The following KDM4A variants were observed in gnomAD, a reference collection of about 807,000 sequenced individuals.
The protein encoded by KDM4A is lysine demethylase 4A.
A neutral mutation model predicts 127.1 loss-of-function variants in KDM4A; 23 were observed. The ratio of observed to expected loss-of-function variants is 0.18; its 90% CI spans 0.13 to 0.26. KDM4A has a LOEUF of 0.26. KDM4A is among the 10% of genes least tolerant of loss of function. The pLI is 1.00. For synonymous variants in KDM4A, 443 were observed against 466.5 expected (o/e 0.95, Z 0.65); for missense variants, 890 against 1,329.1 (o/e 0.67, Z 5.14).
intron 2 of KDM4A, among the ~76,000 whole-genome samples, chr1:43,654,061 T>C (rs556991405): frequency 6.6e-6 from 1 of 152,366 alleles, no homozygotes; most frequent in East Asian, 1.9e-4. Flanking sequence ...GGACCAGTCT[T>C]GGACCCTGGT....
intron 2 of KDM4A, chr1:43,653,699 T>C (rs1256929135): frequency 6.4e-6 from 1 of 156,408 alleles, no homozygotes; most frequent in East Asian, 1.8e-4. Context: ...TGGCTTCCCA[T>C]GTGGACTTTC....
chr1:43,692,134 CCA>C, intron 15 of KDM4A, 120 bp from the exon 16 acceptor site: 1 of 890,044 alleles, frequency 1.1e-6, no homozygotes, highest in Non-Finnish European at 1.9e-6. Flanking sequence ...GGGTGAAGCC[CCA>C]CATGCTATTA....
intron 11 of KDM4A, among the ~76,000 whole-genome samples, chr1:43,674,642 G>A (rs571380017): frequency 1.3e-5 from 2 of 151,692 alleles, no homozygotes; most frequent in African/African-American, 2.4e-5. Context: ...CCAGCCTCCC[G>A]AGTAGCTGGG....
chr1:43,659,371 C>CG (rs1553230408), intron 3 of KDM4A, among the ~76,000 whole-genome samples: 1 of 152,044 alleles, frequency 6.6e-6, no homozygotes, highest in East Asian at 1.9e-4. Context: ...AGTGCAGTGG[C>CG]GTTAGTTAGC....
At chr1:43,669,003 G>T in intron 9 of KDM4A, 97 bp from the exon 10 acceptor site, 1 of 1,273,758 alleles carries the variant, frequency 7.9e-7, no homozygotes, top group East Asian at 2.4e-5. Flanking sequence ...GACAGGCTCT[G>T]GCCATTCACT....
At chr1:43,687,167 G>A (rs1661004865) in intron 12 of KDM4A, among the ~76,000 whole-genome samples, 1 of 152,326 alleles carries the variant, frequency 6.6e-6, no homozygotes, top group South Asian at 2.1e-4. Context: ...GGGCATATAG[G>A]GGTTGATTTT....
rs1360177197 is a variant in KDM4A, at chr1:43,703,712, C to T, written c.2937C>T (p.Ala979=). ...AAGTCTATGGAGCCAAGTTTGTGGCCTCCCACCCTATCCAAATGTACCAGG... is the reference window on the plus strand; with the variant it reads ...AAGTCTATGGAGCCAAGTTTGTGGCTTCCCACCCTATCCAAATGTACCAGG... The part of the protein sequence containing the change: ...DGQVYGAKFV[A]SHPIQMYQVE... The change falls in exon 20 of 22, where the codon GCC becomes GCT. Residue 979 remains alanine (A), a synonymous_variant. Coordinates refer to ENST00000372396, the MANE Select transcript of KDM4A (RefSeq NM_014663.3). 6.2e-7 allele frequency: 1 copy of T among 1,614,132 alleles called. No homozygotes were observed. Among genetic ancestry groups the T allele is most frequent in the Non-Finnish European group, 8.5e-7 (1 of 1,180,020 alleles).
At chr1:43,652,098 A>G (rs1247199594) in intron 1 of KDM4A, among the ~76,000 whole-genome samples, 1 of 152,218 alleles carries the variant, frequency 6.6e-6, no homozygotes. Context: ...CGTAACTTTT[A>G]TTAGGTATCT....
rs576680228 is a variant in KDM4A, at chr1:43,652,516, T to TA, written c.-39-613dup. ...TTTAAATAACTTTTTGTTGTTTATT[T>TA]AAAAAAAATTTTTTTTGAGACAGGG... is the stretch of plus-strand genomic sequence containing the variant. On this transcript the variant is annotated intron_variant, in intron 1 of 21. Transcript: ENST00000372396. Among the ~76,000 whole-genome samples the TA allele has an allele frequency of 6.4e-3, 980 of 151,998 alleles. 18 individuals are homozygous for TA. Among genetic ancestry groups the TA allele is most frequent in the African/African-American group, 0.023 (947 of 41,450 alleles).
In KDM4A at chr1:43,704,000, G is replaced by A. The variant is rs748651056; in HGVS notation, c.2962-20G>A. On this transcript the variant is annotated intron_variant, in intron 20 of 21. Coordinates refer to ENST00000372396, the MANE Select transcript of KDM4A (RefSeq NM_014663.3). ...AGAGTCAGGGATATCCTAGCCAAAA[G>A]GCCTTTGTTTCCTTGGTAGGTGGAG... The A allele has an allele frequency of 9.3e-6, 15 of 1,606,878 alleles. No individual in the cohort carries two copies. The Admixed American group carries it at 1.8e-4, about 20-fold the overall frequency.
intron 12 of KDM4A, among the ~76,000 whole-genome samples, chr1:43,684,517 G>C (rs1440623730): frequency 6.6e-6 from 1 of 152,052 alleles, no homozygotes; most frequent in Non-Finnish European, 1.5e-5. Context: ...AAAAACAGAA[G>C]AGGTGTTACT....
At position 43,662,933 on chromosome 1, in the gene KDM4A, C is replaced by G. The variant is rs149618688; in HGVS notation, c.469C>G (p.Leu157Val). The change falls in exon 5 of 22, where the codon CTG (leucine) becomes GTG (valine). Residue 157 changes from leucine to valine, a missense_variant. Leu to Val is a conservative substitution (Grantham distance 32). Coordinates refer to ENST00000372396, the MANE Select transcript of KDM4A (RefSeq NM_014663.3). Reference protein sequence around the residue: ...EWNIGRLRTILDLVEKESGIT... With the variant: ...EWNIGRLRTIVDLVEKESGIT... ...GAATATTGGCCGGCTGAGAACAATC[C>G]TGGACTTGGTGGAAAAGGAGAGTGG... is the stretch of plus-strand genomic sequence containing the variant. 1 of 1,613,844 alleles carries G rather than the reference C, an allele frequency of 6.2e-7. No homozygotes were observed. Among genetic ancestry groups the G allele is most frequent in the Non-Finnish European group, 8.5e-7 (1 of 1,179,944 alleles).
At chr1:43,666,060 C>G (rs569724590) in intron 6 of KDM4A, among the ~76,000 whole-genome samples, 1 of 152,150 alleles carries the variant, frequency 6.6e-6, no homozygotes, top group East Asian at 1.9e-4. Flanking sequence ...TGCTTTGTTT[C>G]TTTTAAGTGG....
At position 43,693,403 on chromosome 1, in the gene KDM4A, C is replaced by T. The variant is rs1447883342; in HGVS notation, c.2376-591C>T. Among the ~76,000 whole-genome samples, 3 of 152,208 alleles carry T rather than the reference C, an allele frequency of 2.0e-5. No individual in the cohort carries two copies. The highest frequency in any genetic ancestry group is 7.2e-5 in the African/African-American group (3 of 41,448). Reference sequence around the variant, plus strand: ...TTCTCCTCTTGATGCATGCTGGTTTCCCAAAATGTCCAAAACTTACTTTAA... The same window carrying T: ...TTCTCCTCTTGATGCATGCTGGTTTTCCAAAATGTCCAAAACTTACTTTAA... On this transcript the variant is annotated intron_variant, in intron 16 of 21. Transcript: ENST00000372396. This position sits in a 1 kb window ranked among gnomAD's most constrained non-coding sequence, Gnocchi z 4.2.
chr1:43,675,248 C>T (rs1660714990), intron 11 of KDM4A, among the ~76,000 whole-genome samples: 1 of 152,234 alleles, frequency 6.6e-6, no homozygotes. Context: ...CTGCCACTTC[C>T]CTCTACTTTC....
At position 43,655,680 on chromosome 1, in the gene KDM4A, G is replaced by A. The variant is rs640762; in HGVS notation, c.228G>A (p.Thr76=). The part of the protein sequence containing the change: ...VIPAPIQQLV[T]GQSGLFTQYN... Reference sequence around the variant, plus strand: ...CTGCCCCCATTCAACAGCTGGTGACGGGGCAGTCTGGCCTCTTTACTCAGT... The same window carrying A: ...CTGCCCCCATTCAACAGCTGGTGACAGGGCAGTCTGGCCTCTTTACTCAGT... The change falls in exon 3 of 22, where the codon ACG becomes ACA. Residue 76 remains threonine, a synonymous_variant. Coordinates refer to ENST00000372396, the MANE Select transcript of KDM4A (RefSeq NM_014663.3). 60 of 1,613,780 alleles carry A rather than the reference G, an allele frequency of 3.7e-5. No homozygotes were observed. The highest frequency in any genetic ancestry group is 1.8e-4 in the South Asian group (16 of 91,010).
At chr1:43,656,782 A>G (rs376145574) in intron 3 of KDM4A, among the ~76,000 whole-genome samples, 11 of 149,302 alleles carry the variant, frequency 7.4e-5, no homozygotes, top group African/African-American at 2.0e-4. Flanking sequence ...CTGGAGTGCA[A>G]TGGTGCAGTC....
rs1369389427 is a variant in KDM4A, at chr1:43,688,543, A to G, written c.1856-371A>G. 2.0e-5 allele frequency among the ~76,000 whole-genome samples: 3 copies of G among 152,176 alleles called. No homozygotes were observed. The highest frequency in any genetic ancestry group is 4.4e-5 in the Non-Finnish European group (3 of 68,032). On this transcript the variant is annotated intron_variant, in intron 12 of 21. Coordinates refer to ENST00000372396, the MANE Select transcript of KDM4A (RefSeq NM_014663.3). This position sits in a 1 kb window ranked among gnomAD's most constrained non-coding sequence, Gnocchi z 4.4. ...AGGACTTAACAGGCTGACGTTTTGG[A>G]GGCAGCAAATAAGATGGTTTTTGGC...
chr1:43,703,369 T>G, intron 19 of KDM4A: 1 of 364,710 alleles, frequency 2.7e-6, no homozygotes, highest in Non-Finnish European at 5.0e-6. Flanking sequence ...TTAACTCCTG[T>G]GTTTACTAAG....
Sources: allele counts gnomAD v4.1 joint callset (sites outside exome capture counted in the v4.1 genomes callset), GRCh38; gene constraint gnomAD v4.1.1; non-coding constraint Gnocchi (gnomAD v3.1); transcripts MANE v1.5; gene names NCBI Gene and HGNC (gene_info 2026-07-23, HGNC 2026-07-21).